FOXN3: variants seen among roughly 807,000 people sequenced by gnomAD.
FOXN3 encodes the protein forkhead box protein N3.
FOXN3 carries 7 observed loss-of-function variants against 38.4 expected under a neutral mutation model. The observed-to-expected ratio is 0.18, with a 90% CI of 0.10 to 0.34. FOXN3 has a LOEUF of 0.34. FOXN3 is among the 10% of genes least tolerant of loss of function. FOXN3 has a pLI of 1.00. For missense variants in FOXN3, 456 were observed against 613.4 expected, an observed-to-expected ratio of 0.74 and a Z score of 2.71; for synonymous variants, 230 against 242.2, an observed-to-expected ratio of 0.95 and a Z score of 0.47.
intron 2 of FOXN3, among the ~76,000 whole-genome samples, chr14:89,370,600 TC>T (rs556127099): frequency 1.3e-5 from 2 of 152,346 alleles, no homozygotes; most frequent in East Asian, 3.9e-4. Context: ...AGAAGCAGGT[TC>T]TTCAAAGTGT....
At chr14:89,536,823 A>G (rs1178823809) in intron 1 of FOXN3, among the ~76,000 whole-genome samples, 1 of 152,172 alleles carries the variant, frequency 6.6e-6, no homozygotes, top group Non-Finnish European at 1.5e-5. Flanking sequence ...AAAAGATTAA[A>G]TAAGGTCATC....
intron 1 of FOXN3, among the ~76,000 whole-genome samples, chr14:89,499,234 A>T (rs557385009): frequency 6.6e-6 from 1 of 152,068 alleles, no homozygotes; most frequent in South Asian, 2.1e-4. Context: ...TCCTGTTTTG[A>T]TTCGCATCTA....
At chr14:89,333,700 C>T (rs907605486) in intron 3 of FOXN3, among the ~76,000 whole-genome samples, 1 of 135,880 alleles carries the variant, frequency 7.4e-6, no homozygotes, top group Non-Finnish European at 1.5e-5. Context: ...TGCAGTGAGC[C>T]GAGATGGCGC....
chr14:89,345,963 G>C (rs1310486260), intron 3 of FOXN3, among the ~76,000 whole-genome samples: 1 of 152,208 alleles, frequency 6.6e-6, no homozygotes, highest in South Asian at 2.1e-4. Context: ...TGAAGCAGGA[G>C]AATCACTTGA....
intron 1 of FOXN3, among the ~76,000 whole-genome samples, chr14:89,433,705 G>A (rs1399940563): frequency 2.0e-5 from 3 of 151,548 alleles, no homozygotes; most frequent in African/African-American, 7.3e-5. Flanking sequence ...TCAGGAGGCT[G>A]AGGCAGTAGA....
intron 1 of FOXN3, among the ~76,000 whole-genome samples, chr14:89,560,515 T>G (rs1180080561): frequency 2.6e-5 from 4 of 152,192 alleles, no homozygotes; most frequent in Non-Finnish European, 5.9e-5. Flanking sequence ...AGCAAACACC[T>G]ACCCCTGGAA....
At chr14:89,345,480 T>A (rs1888735107) in intron 3 of FOXN3, among the ~76,000 whole-genome samples, 1 of 152,162 alleles carries the variant, frequency 6.6e-6, no homozygotes, top group African/African-American at 2.4e-5. Context: ...ACAACACTGG[T>A]ATACTACTAT....
At chr14:89,400,905 C>G (rs959165467) in intron 2 of FOXN3, among the ~76,000 whole-genome samples, 4 of 152,136 alleles carry the variant, frequency 2.6e-5, no homozygotes, top group African/African-American at 9.7e-5. Flanking sequence ...ATTACCTACC[C>G]TGTCCATGGA....
chr14:89,524,439 ATCC>A, intron 1 of FOXN3, among the ~76,000 whole-genome samples: 1 of 149,456 alleles, frequency 6.7e-6, no homozygotes, highest in Non-Finnish European at 1.5e-5. Context: ...TGCAAATAAA[ATCC>A]AAAGCAGGCA....
At chr14:89,390,028 T>A (rs4904563) in intron 2 of FOXN3, among the ~76,000 whole-genome samples, 6 of 151,690 alleles carry the variant, frequency 4.0e-5, no homozygotes, top group Non-Finnish European at 8.8e-5. Flanking sequence ...GAGACCAGCC[T>A]GGGCAACACA....
intron 5 of FOXN3, among the ~76,000 whole-genome samples, chr14:89,176,566 G>T (rs974227227): frequency 6.6e-6 from 1 of 152,218 alleles, no homozygotes; most frequent in East Asian, 1.9e-4. Context: ...CTTGGGCACT[G>T]CCACGTGGTC....
chr14:89,184,338 T>C (rs1887748341), intron 4 of FOXN3, among the ~76,000 whole-genome samples: 2 of 152,192 alleles, frequency 1.3e-5, no homozygotes, highest in South Asian at 4.1e-4. Context: ...GAGCGCAAGT[T>C]CTTCTTAACC....
rs539666280 is a variant in FOXN3, at chr14:89,566,825, C to G, written c.-15+52203G>C. ...CTTCTCCACCTCCTCATCCCCTACT[C>G]CCTTCCTCCTCCTCCTCCTCCACCT... On this transcript the variant is annotated intron_variant, in intron 1 of 6. Transcript: ENST00000345097. Among the ~76,000 whole-genome samples the G allele has an allele frequency of 6.1e-4, 93 of 151,714 alleles. 2 individuals are homozygous for G. The South Asian group carries it at 0.011, about 18-fold the overall frequency.
At chr14:89,421,528 ATT>A (rs1555353013), upstream of FOXN3, among the ~76,000 whole-genome samples, 1 of 144,746 alleles carries the variant, frequency 6.9e-6, no homozygotes, top group Non-Finnish European at 1.5e-5. Context: ...ACCCAGGGAA[ATT>A]TTTTTTTTTT....
chr14:89,501,061 G>C (rs1266105576), intron 1 of FOXN3, among the ~76,000 whole-genome samples: 1 of 152,232 alleles, frequency 6.6e-6, no homozygotes, highest in East Asian at 1.9e-4. Flanking sequence ...CCCTCCACGG[G>C]ATCGTGTCGC....
At chr14:89,288,386 G>C (rs1287744198) in intron 3 of FOXN3, among the ~76,000 whole-genome samples, 2 of 152,154 alleles carry the variant, frequency 1.3e-5, no homozygotes, top group African/African-American at 4.8e-5. Flanking sequence ...CATAGTTCTT[G>C]TATGCCCAAT....
intron 1 of FOXN3, among the ~76,000 whole-genome samples, chr14:89,572,601 C>A (rs1454577926): frequency 1.3e-5 from 2 of 152,218 alleles, no homozygotes; most frequent in African/African-American, 4.8e-5. Context: ...CTTCCCCTTT[C>A]CTATCATTAG....
intron 1 of FOXN3, among the ~76,000 whole-genome samples, chr14:89,572,469 C>T (rs1035445480): frequency 3.3e-5 from 5 of 152,126 alleles, no homozygotes; most frequent in African/African-American, 7.2e-5. Flanking sequence ...CAGGGCAGCC[C>T]GAGAATCGCC....
intron 1 of FOXN3, among the ~76,000 whole-genome samples, chr14:89,571,743 C>T (rs772175520): frequency 1.8e-4 from 28 of 152,072 alleles, no homozygotes; most frequent in South Asian, 4.2e-4. Context: ...ATGGTAAGCC[C>T]GATTTGGCCT....
Sources: gnomAD v4.1 joint callset for allele counts (sites outside exome capture counted in the v4.1 genomes callset) on GRCh38, gnomAD v4.1.1 for gene constraint, MANE v1.5 for transcripts, NCBI Gene and HGNC (gene_info 2026-07-23, HGNC 2026-07-21) for gene names.